TAFA4: variants seen among roughly 807,000 people sequenced by gnomAD.
TAFA4 encodes chemokine-like protein TAFA-4.
Under a neutral mutation model 21.1 loss-of-function variants are expected in TAFA4, and 20 were observed. The ratio of observed to expected loss-of-function variants is 0.95; its 90% CI spans 0.67 to 1.38. TAFA4 has a LOEUF of 1.38. TAFA4 is among the 40% of genes most tolerant of loss of function. The pLI, the probability that TAFA4 is intolerant of heterozygous loss-of-function variation, is 0.00. For synonymous variants in TAFA4, 71 were observed against 67.4 expected (o/e 1.05, Z -0.26); for missense variants, 211 against 180.9 (o/e 1.17, Z -0.95).
intron 3 of TAFA4, among the ~76,000 whole-genome samples, chr3:68,817,981 T>C (rs984617360): frequency 6.6e-6 from 1 of 152,180 alleles, no homozygotes; most frequent in Non-Finnish European, 1.5e-5. Context: ...TTTGAAGCTT[T>C]GGAGCCTAGC....
At chr3:68,878,060 C>A (rs933559523) in intron 3 of TAFA4, among the ~76,000 whole-genome samples, 1 of 152,118 alleles carries the variant, frequency 6.6e-6, no homozygotes, top group Non-Finnish European at 1.5e-5. Context: ...GACTTTAGAC[C>A]CCCCAACATT....
chr3:68,924,543 T>C lies in TAFA4; in HGVS notation c.-123+7697A>G, dbSNP rs538326650. On this transcript the variant is annotated intron_variant, in intron 1 of 5. Coordinates refer to ENST00000295569, the MANE Select transcript of TAFA4 (RefSeq NM_182522.5). ...GTTTTGCACCACGAAAAAGGTTCTG[T>C]GGATGGAATGGGCAATGGTAGCTTA... Among the ~76,000 whole-genome samples, 3 of 152,308 alleles carry C rather than the reference T, an allele frequency of 2.0e-5. No individual in the cohort carries two copies. The East Asian group carries it at 5.8e-4, about 29-fold the overall frequency.
At chr3:68,790,646 T>C (rs897659967) in intron 3 of TAFA4, among the ~76,000 whole-genome samples, 13 of 152,300 alleles carry the variant, frequency 8.5e-5, no homozygotes, top group Admixed American at 5.9e-4. Flanking sequence ...AAATGACTAC[T>C]GCAAATGACC....
chr3:68,866,651 TAAAAAAAAAAAAA>T (rs59878536), intron 3 of TAFA4, among the ~76,000 whole-genome samples: 11 of 12,402 alleles, frequency 8.9e-4, no homozygotes, highest in South Asian at 0.014. Flanking sequence ...ATAGCAGTTC[TAAAAAAAAAAAAA>T]AAAAAAAAAA....
intron 3 of TAFA4, among the ~76,000 whole-genome samples, chr3:68,769,050 A>C (rs1411894939): frequency 1.3e-5 from 2 of 152,238 alleles, no homozygotes; most frequent in African/African-American, 4.8e-5. Context: ...TCCGAGCCAT[A>C]AACAGGTACC....
chr3:68,885,183 C>A lies in TAFA4; in HGVS notation c.6G>T (p.Arg2Ser), dbSNP rs750139127. The change falls in exon 2 of 6, where the codon AGG (arginine) becomes AGT (serine). Residue 2 changes from arginine (R) to serine (S), a missense_variant. Physicochemically the swap from Arg to Ser is moderately radical, Grantham distance 110. Transcript: ENST00000295569. The stretch of plus-strand genomic sequence containing the variant: ...CGTTAAAATAATCTTACCTTGGGGA[C>A]CTCATAAGATGTGGTTCTAGTCAAA... MRSPRMRVCAKS... is the reference protein window; with the variant it reads MSSPRMRVCAKS... The A allele has an allele frequency of 1.3e-5, 21 of 1,612,668 alleles. No individual in the cohort carries two copies. The East Asian group carries it at 4.5e-4, about 34-fold the overall frequency.
intron 3 of TAFA4, among the ~76,000 whole-genome samples, chr3:68,857,216 T>G (rs1035406777): frequency 4.6e-5 from 7 of 152,196 alleles, no homozygotes; most frequent in African/African-American, 1.7e-4. Context: ...CGTTGTCATG[T>G]AGGCTTTCTG....
chr3:68,819,540 T>A (rs577664307), intron 3 of TAFA4, among the ~76,000 whole-genome samples: 1 of 152,172 alleles, frequency 6.6e-6, no homozygotes, highest in Admixed American at 6.5e-5. Flanking sequence ...TGGATTGTAT[T>A]TGCAAAACAA....
Position 68,906,664 on chromosome 3 carries a change from G to A in TAFA4, c.-122-21354C>T, listed in dbSNP as rs141816005. Among the ~76,000 whole-genome samples, 662 of 152,184 alleles carry A rather than the reference G, an allele frequency of 4.3e-3. 1 individual carries two copies. The highest frequency in any genetic ancestry group is 7.5e-3 in the South Asian group (36 of 4,822). The stretch of plus-strand genomic sequence containing the variant: ...AACCAGAGAGTGGACTTTCCAAGGC[G>A]CTGGTGTTTTAAAGGTGCTGCCTTT... On this transcript the variant is annotated intron_variant, in intron 1 of 5. Transcript: ENST00000295569.
At chr3:68,860,799 C>G (rs960145408) in intron 3 of TAFA4, among the ~76,000 whole-genome samples, 6 of 152,080 alleles carry the variant, frequency 3.9e-5, no homozygotes, top group Admixed American at 3.3e-4. Context: ...AACGATAGTT[C>G]AAGTCCACGT....
At chr3:68,795,907 C>G (rs952327526) in intron 3 of TAFA4, among the ~76,000 whole-genome samples, 2 of 152,236 alleles carry the variant, frequency 1.3e-5, no homozygotes, top group African/African-American at 4.8e-5. Flanking sequence ...TAAGCCATAT[C>G]TGCATTATGG....
At chr3:68,853,380 T>C (rs983029074) in intron 3 of TAFA4, among the ~76,000 whole-genome samples, 1 of 152,158 alleles carries the variant, frequency 6.6e-6, no homozygotes, top group African/African-American at 2.4e-5. Context: ...TAAGTAATAT[T>C]TTAAATGCAT....
At chr3:68,848,363 T>C (rs950103088) in intron 3 of TAFA4, among the ~76,000 whole-genome samples, 5 of 152,228 alleles carry the variant, frequency 3.3e-5, no homozygotes, top group African/African-American at 7.2e-5. Flanking sequence ...TGCTCTCAGA[T>C]AGCTATGTAT....
intron 3 of TAFA4, among the ~76,000 whole-genome samples, chr3:68,791,940 C>T (rs1703368020): frequency 2.0e-5 from 3 of 152,186 alleles, no homozygotes; most frequent in African/African-American, 7.2e-5. Context: ...TTTATAATCC[C>T]TGCTCTCAGG....
intron 3 of TAFA4, among the ~76,000 whole-genome samples, chr3:68,773,491 A>T (rs1473630669): frequency 6.6e-6 from 1 of 152,170 alleles, no homozygotes; most frequent in Non-Finnish European, 1.5e-5. Flanking sequence ...ATCACTGGCC[A>T]TGTGACTAAA....
chr3:68,869,338 G>C (rs559102285), intron 3 of TAFA4, among the ~76,000 whole-genome samples: 2 of 146,044 alleles, frequency 1.4e-5, no homozygotes, highest in South Asian at 2.1e-4. Flanking sequence ...TGAAGAAGAG[G>C]TAATATGTGC....
chr3:68,743,158 C>G (rs1391122991), intron 4 of TAFA4, among the ~76,000 whole-genome samples: 1 of 152,082 alleles, frequency 6.6e-6, no homozygotes, highest in Non-Finnish European at 1.5e-5. Flanking sequence ...TCTAGGGTAA[C>G]CACTTGTTAT....
chr3:68,865,691 T>G (rs984771395), intron 3 of TAFA4, among the ~76,000 whole-genome samples: 2 of 152,118 alleles, frequency 1.3e-5, no homozygotes, highest in African/African-American at 4.8e-5. Flanking sequence ...TGGAATGCAG[T>G]GGCTATACAT....
intron 1 of TAFA4, among the ~76,000 whole-genome samples, chr3:68,886,940 T>C (rs1238005766): frequency 6.6e-6 from 1 of 152,182 alleles, no homozygotes; most frequent in Non-Finnish European, 1.5e-5. Flanking sequence ...ACCTCTGGCC[T>C]CCCAAAACTC....
Sources: allele counts gnomAD v4.1 joint callset (sites outside exome capture counted in the v4.1 genomes callset), GRCh38; gene constraint gnomAD v4.1.1; transcripts MANE v1.5; gene names NCBI Gene and HGNC (gene_info 2026-07-23, HGNC 2026-07-21).